The following FILIP1L variants were observed in gnomAD, a reference collection of about 807,000 sequenced individuals.
FILIP1L encodes filamin A-interacting protein 1-like.
In FILIP1L, 55 loss-of-function variants were observed where a neutral mutation model predicts 96.6. The ratio of observed to expected loss-of-function variants is 0.57; its 90% CI spans 0.46 to 0.71. The LOEUF is 0.71. FILIP1L is among the 30% of genes least tolerant of loss of function. FILIP1L has a pLI of 0.00. For synonymous variants in FILIP1L, 467 were observed against 473.9 expected, an observed-to-expected ratio of 0.99 and a Z score of 0.19; for missense variants, 1,304 against 1,321.2, an observed-to-expected ratio of 0.99 and a Z score of 0.20.
intron 4 of FILIP1L, among the ~76,000 whole-genome samples, chr3:99,880,659 T>C (rs1705695065): frequency 6.6e-6 from 1 of 152,090 alleles, no homozygotes; most frequent in Non-Finnish European, 1.5e-5. Context: ...AAAATTAATT[T>C]AAAATTTTTT....
intron 1 of FILIP1L, among the ~76,000 whole-genome samples, chr3:100,015,770 C>A (rs553943790): frequency 1.3e-5 from 2 of 152,260 alleles, no homozygotes; most frequent in South Asian, 4.1e-4. Flanking sequence ...CAGCCTGGTA[C>A]ACAGAAGGCA....
chr3:100,006,655 C>CA (rs201648197), intron 1 of FILIP1L, among the ~76,000 whole-genome samples: 13,702 of 133,782 alleles, frequency 0.1, 742 homozygotes, highest in East Asian at 0.21. Context: ...CTTTTCTTTC[C>CA]AAAAAAAAAA....
intron 4 of FILIP1L, among the ~76,000 whole-genome samples, chr3:99,861,924 A>G (rs1944279294): frequency 6.6e-6 from 1 of 152,204 alleles, no homozygotes; most frequent in African/African-American, 2.4e-5. Context: ...TCATCTGTAG[A>G]ATGGGGATAA....
chr3:99,924,147 T>G, intron 4 of FILIP1L, 83 bp downstream of exon 4: 2 of 1,145,386 alleles, frequency 1.7e-6, no homozygotes, highest in Non-Finnish European at 2.5e-6. Context: ...TGTGTCATAT[T>G]TATCTTTGTA....
At chr3:99,967,769 C>G (rs537908947) in intron 1 of FILIP1L, among the ~76,000 whole-genome samples, 5 of 152,156 alleles carry the variant, frequency 3.3e-5, no homozygotes, top group Non-Finnish European at 7.4e-5. Flanking sequence ...AGTGTTTTAT[C>G]TGTTTATTTC....
At chr3:100,047,902 T>C (rs1406763252) in intron 1 of FILIP1L, among the ~76,000 whole-genome samples, 1 of 152,124 alleles carries the variant, frequency 6.6e-6, no homozygotes. Flanking sequence ...TGGAGGTAGC[T>C]TCTGGCACTT....
chr3:99,897,746 T>C (rs1706305191), intron 4 of FILIP1L, among the ~76,000 whole-genome samples: 1 of 152,246 alleles, frequency 6.6e-6, no homozygotes, highest in Admixed American at 6.5e-5. Context: ...TCTCATATTT[T>C]ACCTTGACCA....
intron 1 of FILIP1L, among the ~76,000 whole-genome samples, chr3:100,038,024 G>A (rs1356453557): frequency 6.8e-6 from 1 of 147,556 alleles, no homozygotes; most frequent in African/African-American, 2.5e-5. Flanking sequence ...GCACAATCTC[G>A]GCTCACTGCA....
At chr3:99,861,451 C>A (rs1173456639) in intron 4 of FILIP1L, among the ~76,000 whole-genome samples, 3 of 152,194 alleles carry the variant, frequency 2.0e-5, no homozygotes, top group African/African-American at 7.2e-5. Flanking sequence ...GCTGCCTTTA[C>A]ACCTAGCATT....
intron 4 of FILIP1L, among the ~76,000 whole-genome samples, chr3:99,883,122 A>G (rs1294613835): frequency 6.6e-6 from 1 of 152,216 alleles, no homozygotes; most frequent in Non-Finnish European, 1.5e-5. Flanking sequence ...CTACGCTTAG[A>G]TTGAATTATC....
chr3:99,984,414 T>A (rs12496041), intron 1 of FILIP1L, among the ~76,000 whole-genome samples: 26,096 of 152,172 alleles, frequency 0.17, 2,275 homozygotes, highest in South Asian at 0.2. Context: ...GAGGCACCAG[T>A]TAGTCTGCAT....
chr3:100,071,751 G>A (rs1193978186), intron 1 of FILIP1L, among the ~76,000 whole-genome samples: 1 of 151,998 alleles, frequency 6.6e-6, no homozygotes, highest in Non-Finnish European at 1.5e-5. Flanking sequence ...TCCTTGTCTG[G>A]CTCTACCTCC....
chr3:99,990,025 C>T (rs1353984475), intron 1 of FILIP1L, among the ~76,000 whole-genome samples: 1 of 152,136 alleles, frequency 6.6e-6, no homozygotes, highest in African/African-American at 2.4e-5. Flanking sequence ...AAGTATGAGT[C>T]TTTAAATCCC....
At chr3:100,060,938 A>T (rs2065553816) in intron 1 of FILIP1L, among the ~76,000 whole-genome samples, 1 of 152,136 alleles carries the variant, frequency 6.6e-6, no homozygotes, top group Non-Finnish European at 1.5e-5. Context: ...ATGGCTTTGA[A>T]ATGGAAGTGC....
intron 1 of FILIP1L, among the ~76,000 whole-genome samples, chr3:99,962,011 T>C (rs149883227): frequency 2.7e-3 from 418 of 152,174 alleles, no homozygotes; most frequent in African/African-American, 9.5e-3. Flanking sequence ...GCCTTGCTGA[T>C]TGGGGGTTAG....
intron 1 of FILIP1L, among the ~76,000 whole-genome samples, chr3:100,061,592 G>T (rs2065567660): frequency 6.6e-6 from 1 of 152,226 alleles, no homozygotes; most frequent in Admixed American, 6.5e-5. Flanking sequence ...AATAAGAGCA[G>T]TACTAATAAT....
chr3:99,903,313 G>A (rs916491003), intron 4 of FILIP1L, among the ~76,000 whole-genome samples: 5 of 151,762 alleles, frequency 3.3e-5, no homozygotes, highest in South Asian at 2.1e-4. Flanking sequence ...GTGCAGTGGC[G>A]TGATCTCAGC....
chr3:99,847,850 A>G (rs1943438168), intron 5 of FILIP1L: 8 of 709,746 alleles, frequency 1.1e-5, no homozygotes, highest in Non-Finnish European at 1.4e-5. Flanking sequence ...AATAGAGACT[A>G]TAAGCAAAAG....
intron 1 of FILIP1L, among the ~76,000 whole-genome samples, chr3:100,075,283 C>T (rs1265814767): frequency 6.6e-6 from 1 of 152,178 alleles, no homozygotes; most frequent in African/African-American, 2.4e-5. Flanking sequence ...CACAAGAGAA[C>T]AATCTAGAGC....
Sources: gnomAD v4.1 joint callset for allele counts (sites outside exome capture counted in the v4.1 genomes callset) on GRCh38, gnomAD v4.1.1 for gene constraint, MANE v1.5 for transcripts, NCBI Gene and HGNC (gene_info 2026-07-23, HGNC 2026-07-21) for gene names.